TAB2: variants seen among roughly 807,000 people sequenced by gnomAD.
TAB2 encodes the protein TGF-beta activated kinase 1 (MAP3K7) binding protein 2.
Under a neutral mutation model 65.0 loss-of-function variants are expected in TAB2, and 3 were observed. The ratio of observed to expected loss-of-function variants is 0.05; its 90% CI spans 0.02 to 0.12. The LOEUF (loss-of-function observed/expected upper bound fraction) is 0.12, where lower values mean the gene tolerates loss of function less well. Among genes scored for constraint, TAB2 ranks in the 10% least tolerant of loss-of-function variants. TAB2 has a pLI of 1.00. For synonymous variants in TAB2, 298 were observed against 285.1 expected (o/e 1.05, Z -0.46); for missense variants, 623 against 840.3 (o/e 0.74, Z 3.20).
In TAB2 at chr6:149,295,055, C is replaced by T. The variant is rs1023799663; in HGVS notation, c.-121+76279C>T. ...ACTTTTATGTCTCCTTCTCACCTTA[C>T]TGTACTGCCAAAACCTCCCATACGC... On this transcript the variant is annotated intron_variant, in intron 1 of 1. Coordinates refer to the TAB2 transcript ENST00000606202. 3.3e-5 allele frequency among the ~76,000 whole-genome samples: 5 copies of T among 152,208 alleles called. No individual in the cohort carries two copies. In the East Asian group the frequency reaches 9.6e-4, roughly 29 times the overall value.
At chr6:149,287,290 TGTATTA>T (rs1432894671) in intron 1 of TAB2, among the ~76,000 whole-genome samples, 1 of 152,238 alleles carries the variant, frequency 6.6e-6, no homozygotes, top group Non-Finnish European at 1.5e-5. Flanking sequence ...ACATTGAGCA[TGTATTA>T]CTTTTATAAT....
At chr6:149,238,286 G>A (rs923219023) in intron 1 of TAB2, among the ~76,000 whole-genome samples, 3 of 152,114 alleles carry the variant, frequency 2.0e-5, no homozygotes, top group Non-Finnish European at 2.9e-5. Flanking sequence ...AAAAGTCTGG[G>A]TTTCTTTTCT....
chr6:149,234,395 G>A (rs1777458353), intron 1 of TAB2, among the ~76,000 whole-genome samples: 1 of 152,162 alleles, frequency 6.6e-6, no homozygotes, highest in African/African-American at 2.4e-5. Flanking sequence ...GGGGTTGGCT[G>A]AAGGGCACTG....
intron 6 of TAB2, among the ~76,000 whole-genome samples, chr6:149,401,998 TAAA>T (rs147141394): frequency 7.4e-6 from 1 of 134,424 alleles, no homozygotes. Flanking sequence ...AATACTACAT[TAAA>T]AAAAAAAAAA....
intron 1 of TAB2, among the ~76,000 whole-genome samples, chr6:149,236,627 G>A (rs957976054): frequency 2.0e-5 from 3 of 152,188 alleles, no homozygotes; most frequent in African/African-American, 7.2e-5. Flanking sequence ...TTGAGTAATA[G>A]GAATGTCTAC....
At chr6:149,371,065 CAAAAAAAAAAAAAAA>C (rs33926884) in intron 2 of TAB2, among the ~76,000 whole-genome samples, 1 of 71,968 alleles carries the variant, frequency 1.4e-5, no homozygotes, top group Admixed American at 1.9e-4. Context: ...GACCCTATCT[CAAAAAAAAAAAAAAA>C]AAAAAAAAAA....
At chr6:149,257,518 G>T (rs1191906024) in intron 1 of TAB2, 29 of 152,172 alleles carry the variant, frequency 1.9e-4, no homozygotes. Context: ...TGCAGCTGAA[G>T]TAGGGTGGCC....
At chr6:149,343,904 G>T (rs1209081098) in intron 1 of TAB2, among the ~76,000 whole-genome samples, 2 of 152,122 alleles carry the variant, frequency 1.3e-5, no homozygotes, top group Non-Finnish European at 2.9e-5. Flanking sequence ...TTTTAGTTCA[G>T]TTTATCTAGG....
chr6:149,229,484 T>A (rs906222578), intron 1 of TAB2, among the ~76,000 whole-genome samples: 1 of 151,682 alleles, frequency 6.6e-6, no homozygotes, highest in African/African-American at 2.4e-5. Context: ...CAGTGGGGAG[T>A]CTGCACAATT....
chr6:149,356,474 A>G (rs1341414635), intron 1 of TAB2, among the ~76,000 whole-genome samples: 2 of 152,220 alleles, frequency 1.3e-5, no homozygotes, highest in Non-Finnish European at 2.9e-5. Context: ...TCTGGAGGCT[A>G]TGAAGTCCAA....
upstream of TAB2, among the ~76,000 whole-genome samples, chr6:149,317,238 G>A (rs1253184361): frequency 6.6e-6 from 1 of 152,084 alleles, no homozygotes; most frequent in South Asian, 2.1e-4. This position sits in a 1 kb window ranked among gnomAD's most constrained non-coding sequence, Gnocchi z 4.7. Flanking sequence ...AAGGATGGGG[G>A]GCCCAGGCGG....
exon 1 of TAB2, chr6:149,218,670 C>T (rs568417432): frequency 2.6e-4 from 115 of 439,638 alleles, no homozygotes; most frequent in African/African-American, 2.2e-3. Context: ...GGGCCACAGG[C>T]TGTAAAGATC....
chr6:149,221,121 C>T (rs571832309), intron 1 of TAB2: 3 of 152,316 alleles, frequency 2.0e-5, no homozygotes, highest in African/African-American at 7.2e-5. Flanking sequence ...TCAAACAAAG[C>T]AGCACGTTTA....
intron 1 of TAB2, among the ~76,000 whole-genome samples, chr6:149,251,479 T>G (rs1777859471): frequency 1.3e-5 from 2 of 152,224 alleles, no homozygotes; most frequent in Admixed American, 1.3e-4. Flanking sequence ...AATAAAACAA[T>G]GATAGAATTT....
chr6:149,226,476 G>T (rs1015280815), intron 1 of TAB2, among the ~76,000 whole-genome samples: 15 of 152,214 alleles, frequency 9.9e-5, no homozygotes, highest in African/African-American at 3.4e-4. Flanking sequence ...ATACTGCTGT[G>T]TGATGCTCAC....
chr6:149,338,503 A>G (rs1780001184), intron 1 of TAB2, among the ~76,000 whole-genome samples: 1 of 152,222 alleles, frequency 6.6e-6, no homozygotes, highest in Non-Finnish European at 1.5e-5. Context: ...CTGAAAAGAA[A>G]TTGCTATTTC....
intron 1 of TAB2, among the ~76,000 whole-genome samples, chr6:149,346,173 A>G (rs1780290955): frequency 1.3e-5 from 2 of 152,140 alleles, no homozygotes; most frequent in South Asian, 4.1e-4. Context: ...GAACTCTGAT[A>G]CTTTATTAGT....
At chr6:149,255,681 TATTATA>T (rs1778012214) in intron 1 of TAB2, among the ~76,000 whole-genome samples, 1 of 152,262 alleles carries the variant, frequency 6.6e-6, no homozygotes, top group Non-Finnish European at 1.5e-5. Flanking sequence ...ATTGATTAGC[TATTATA>T]ATTATGTGAT....
chr6:149,225,382 A>G (rs1317131759), intron 1 of TAB2, among the ~76,000 whole-genome samples: 1 of 152,230 alleles, frequency 6.6e-6, no homozygotes, highest in Admixed American at 6.5e-5. Context: ...GGAAAGAAAA[A>G]GAATATGGAT....
Sources: gnomAD v4.1 joint callset for allele counts (sites outside exome capture counted in the v4.1 genomes callset) on GRCh38, gnomAD v4.1.1 for gene constraint, Gnocchi (gnomAD v3.1) non-coding constraint, MANE v1.5 for transcripts, NCBI Gene and HGNC (gene_info 2026-07-23, HGNC 2026-07-21) for gene names.